The following KLK13 variants were observed in gnomAD, a reference collection of about 807,000 sequenced individuals.
The protein encoded by KLK13 is kallikrein-13.
A neutral mutation model predicts 22.4 loss-of-function variants in KLK13; 19 were observed. That is an observed-to-expected ratio of 0.85 (90% confidence interval 0.59 to 1.24). The LOEUF (loss-of-function observed/expected upper bound fraction) is 1.24. Among genes scored for constraint, KLK13 ranks in the 50% most tolerant of loss-of-function variants. KLK13 has a pLI of 0.00. For missense variants in KLK13, 311 were observed against 347.9 expected (o/e 0.89, Z 0.84); for synonymous variants, 156 against 141.8 (o/e 1.10, Z -0.71).
Position 51,059,869 on chromosome 19 carries a change from G to C in KLK13, c.464C>G (p.Thr155Ser). 6.2e-7 allele frequency: 1 copy of C among 1,604,348 alleles called. No homozygotes were observed. The highest frequency in any genetic ancestry group is 8.5e-7 in the Non-Finnish European group (1 of 1,174,720). Residue 155 changes from threonine to serine, a missense_variant, in exon 3 of 5, where the codon ACC becomes AGC. Transcript: ENST00000595793. ...LSHNNRLTPG[T>S]TCRVSGWGTT... The stretch of plus-strand genomic sequence containing the variant: ...GCCCCAGCCAGACACCCGACAGGTG[G>C]TGCCAGGGGTTAGGCGGTTGTTGTG...
In KLK13 at chr19:51,056,506, GAAT is replaced by G. The variant is rs920288749; in HGVS notation, c.*78_*80del. 43 of 1,346,408 alleles carry G rather than the reference GAAT, an allele frequency of 3.2e-5. No homozygotes were observed. In the African/African-American group the frequency reaches 6.2e-4, roughly 19 times the overall value. The allele number at this position is 1,346,408 out of a possible 1,614,324, so 83.4% of individuals were successfully genotyped here. ...ATCACTGGTTCAAATGGAACACTGG[GAAT>G]AAGGAGCAGAGAAGGGCTAAGCAGA... On this transcript the variant is annotated 3_prime_UTR_variant, in exon 5 of 5. Coordinates refer to ENST00000595793, the MANE Select transcript of KLK13 (RefSeq NM_015596.3).
chr19:51,056,463 G>T lies in KLK13; in HGVS notation c.*124C>A. On this transcript the variant is annotated 3_prime_UTR_variant, in exon 5 of 5. Transcript: ENST00000595793. ...AACATGGAATGTTAGCTGAGATTGAGCATTTTTCAGGACATGGATCACTGG... is the reference window on the plus strand; with the variant it reads ...AACATGGAATGTTAGCTGAGATTGATCATTTTTCAGGACATGGATCACTGG... The T allele has an allele frequency of 3.0e-6, 3 of 998,424 alleles. No individual in the cohort carries two copies. Among genetic ancestry groups the T allele is most frequent in the Non-Finnish European group, 3.1e-6 (2 of 655,500 alleles). The allele number at this position is 998,424 out of a possible 1,614,324, so 61.8% of individuals were successfully genotyped here.
intron 4 of KLK13, 118 bp downstream of exon 4, chr19:51,058,420 T>A: frequency 8.3e-7 from 1 of 1,203,612 alleles, no homozygotes. Context: ...GAGGGGACAT[T>A]GTATCTTATA....
At chr19:51,062,853 A>G (rs2122710027) in intron 1 of KLK13, among the ~76,000 whole-genome samples, 1 of 152,346 alleles carries the variant, frequency 6.6e-6, no homozygotes, top group South Asian at 2.1e-4. Flanking sequence ...CTACAACAGG[A>G]GGTCCCTCTG....
intron 4 of KLK13, among the ~76,000 whole-genome samples, chr19:51,057,541 C>T (rs956769025): frequency 2.0e-5 from 3 of 152,154 alleles, no homozygotes; most frequent in African/African-American, 7.2e-5. Flanking sequence ...GATCATACCT[C>T]ACTGCAGCCT....
At position 51,056,650 on chromosome 19, in the gene KLK13, C is replaced by T; in HGVS notation, c.771G>A (p.Trp257Ter). The change falls in exon 5 of 5, where the codon TGG becomes TGA. Residue 257 changes from tryptophan to a stop codon, truncating the protein, a stop_gained. Coordinates refer to ENST00000595793, the MANE Select transcript of KLK13 (RefSeq NM_015596.3). LOFTEE classifies it low-confidence loss of function (END_TRUNC). Reference sequence around the variant, plus strand: ...CATATTTTCGGATTGTTTCACGGATCCACAGGACGTATCTTGAGACACGGG... The same window carrying T: ...CATATTTTCGGATTGTTTCACGGATTCACAGGACGTATCTTGAGACACGGG... ...VYTRVSRYVL[W>*]IRETIRKYET... 1.9e-6 allele frequency: 3 copies of T among 1,614,194 alleles called. No homozygotes were observed. The highest frequency in any genetic ancestry group is 1.7e-6 in the Non-Finnish European group (2 of 1,180,028).
chr19:51,062,221 C>T (rs554844637), intron 1 of KLK13, among the ~76,000 whole-genome samples: 170 of 152,196 alleles, frequency 1.1e-3, no homozygotes, highest in African/African-American at 3.7e-3. Flanking sequence ...ATGGAATATT[C>T]TACTGGATGA....
chr19:51,059,836 G>A lies in KLK13; in HGVS notation c.497C>T (p.Thr166Ile). 1.9e-6 allele frequency: 3 copies of A among 1,601,860 alleles called. No homozygotes were observed. Among genetic ancestry groups the A allele is most frequent in the Non-Finnish European group, 2.6e-6 (3 of 1,173,486 alleles). ...TCRVSGWGTTTSPQVNYPKTL... is the reference protein window; with the variant it reads ...TCRVSGWGTTISPQVNYPKTL... ...GTGTGGGTGCATACCCTGGGGGCTGGTGGTGGTGCCCCAGCCAGACACCCG... is the reference window on the plus strand; with the variant it reads ...GTGTGGGTGCATACCCTGGGGGCTGATGGTGGTGCCCCAGCCAGACACCCG... Residue 166 changes from threonine (T) to isoleucine (I), a missense_variant, in exon 3 of 5, where the codon ACC (threonine) becomes ATC (isoleucine). By Grantham distance (89) the Thr-to-Ile change is moderately conservative. Coordinates refer to ENST00000595793, the MANE Select transcript of KLK13 (RefSeq NM_015596.3).
At chr19:51,060,681 G>A in intron 1 of KLK13, 62 bp from the exon 2 acceptor site, 2 of 1,379,830 alleles carry the variant, frequency 1.4e-6, no homozygotes, top group Non-Finnish European at 2.0e-6. Context: ...CCCTGGGGTT[G>A]TGGTTTCTGG....
intron 1 of KLK13, among the ~76,000 whole-genome samples, chr19:51,063,277 A>G (rs535481508): frequency 6.6e-6 from 1 of 152,326 alleles, no homozygotes; most frequent in Non-Finnish European, 1.5e-5. Flanking sequence ...TTCATTGTGC[A>G]GGATTTATTT....
chr19:51,064,605 C>T (rs2091761487), intron 1 of KLK13: 1 of 520,680 alleles, frequency 1.9e-6, no homozygotes, highest in South Asian at 1.5e-5. Flanking sequence ...TACCTCGTTT[C>T]AATATTCACA....
Position 51,065,048 on chromosome 19 carries a change from A to G in KLK13, c.20T>C (p.Val7Ala). 1 of 1,461,568 alleles carries G rather than the reference A, an allele frequency of 6.8e-7. No homozygotes were observed. The highest frequency in any genetic ancestry group is 2.1e-5 in the Admixed American group (1 of 48,086). 90.5% of individuals were successfully genotyped at this position (1,461,568 alleles called of 1,614,324 possible). A position where few individuals can be genotyped will look rare whatever the true frequency, so the allele number is the denominator to read the frequency against. Reference protein sequence around the residue: MWPLALVIASLTLALSG... With the variant: MWPLALAIASLTLALSG... The stretch of plus-strand genomic sequence containing the variant: ...CAAGGCCAAGGTCAGGGAGGCGATC[A>G]CTAGGGCCAGGGGCCACATGGCTCC... Residue 7 changes from valine (V) to alanine (A), a missense_variant, in exon 1 of 5, where the codon GTG (valine) becomes GCG (alanine). Coordinates refer to ENST00000595793, the MANE Select transcript of KLK13 (RefSeq NM_015596.3).
intron 1 of KLK13, 123 bp downstream of exon 1, chr19:51,064,892 TG>T: frequency 1.3e-6 from 1 of 793,946 alleles, no homozygotes; most frequent in Non-Finnish European, 2.0e-6. Flanking sequence ...CTGTCCCCAC[TG>T]GACCCGGCCC....
rs751675342 is a variant in KLK13 at position 51,060,449 on chromosome 19, C to T, written c.223G>A (p.Ala75Thr). ...CCCACATACTCCTTTAGACAGTGTGCGGCAGTGAGGACCCATTTGGGGTGG... is the reference window on the plus strand; with the variant it reads ...CCCACATACTCCTTTAGACAGTGTGTGGCAGTGAGGACCCATTTGGGGTGG... ...LVHPKWVLTA[A>T]HCLKEGLKVY... Residue 75 changes from alanine to threonine, a missense_variant, in exon 2 of 5, where the codon GCA (alanine) becomes ACA (threonine). Transcript: ENST00000595793. 42 of 1,610,202 alleles carry T rather than the reference C, an allele frequency of 2.6e-5. No homozygotes were observed. The highest frequency in any genetic ancestry group is 1.7e-4 in the Middle Eastern group (1 of 6,054).
intron 4 of KLK13, among the ~76,000 whole-genome samples, chr19:51,057,018 G>C (rs2122675973): frequency 6.6e-6 from 1 of 152,298 alleles, no homozygotes; most frequent in South Asian, 2.1e-4. Context: ...GAAAGACAGA[G>C]ATAGGCCCAG....
At position 51,065,061 on chromosome 19, in the gene KLK13, G is replaced by T. The variant is rs370002719; in HGVS notation, c.7C>A (p.Pro3Thr). The change falls in exon 1 of 5, where the codon CCC (proline) becomes ACC (threonine). Residue 3 changes from proline (P) to threonine (T), a missense_variant. Physicochemically the swap from Pro to Thr is conservative, Grantham distance 38. Transcript: ENST00000595793. ...AGGGAGGCGATCACTAGGGCCAGGGGCCACATGGCTCCGGGATCGGGAGGG... is the reference window on the plus strand; with the variant it reads ...AGGGAGGCGATCACTAGGGCCAGGGTCCACATGGCTCCGGGATCGGGAGGG... MW[P>T]LALVIASLTL... 19 of 892,920 alleles carry T rather than the reference G, an allele frequency of 2.1e-5. No homozygotes were observed. The African/African-American group carries it at 2.6e-4, about 12-fold the overall frequency. 55.3% of individuals were successfully genotyped at this position (892,920 alleles called of 1,614,324 possible).
At chr19:51,062,942 C>T (rs780058163) in intron 1 of KLK13, among the ~76,000 whole-genome samples, 23 of 152,118 alleles carry the variant, frequency 1.5e-4, no homozygotes, top group Non-Finnish European at 2.9e-4. Context: ...CAGAAGTTGT[C>T]GGTGAGCACA....
At chr19:51,064,945 C>A in intron 1 of KLK13, 71 bp downstream of exon 1, 1 of 1,306,972 alleles carries the variant, frequency 7.7e-7, no homozygotes, top group Non-Finnish European at 1.0e-6. Context: ...CACGCCCCCT[C>A]CCCCTCCGGC....
intron 1 of KLK13, chr19:51,063,458 T>C (rs1036269318): frequency 3.2e-5 from 11 of 344,982 alleles, no homozygotes; most frequent in African/African-American, 2.1e-4. Context: ...GTCCAGGATA[T>C]GGACAGGGAA....
Sources: gnomAD v4.1 joint callset for allele counts (sites outside exome capture counted in the v4.1 genomes callset) on GRCh38, gnomAD v4.1.1 for gene constraint, MANE v1.5 for transcripts, NCBI Gene and HGNC (gene_info 2026-07-23, HGNC 2026-07-21) for gene names.